MTHFD1L: variants seen among roughly 807,000 people sequenced by gnomAD.
MTHFD1L encodes the protein methylenetetrahydrofolate dehydrogenase (NADP+ dependent) 1 like.
MTHFD1L carries 81 observed loss-of-function variants against 119.5 expected under a neutral mutation model. That is an observed-to-expected ratio of 0.68 (90% CI 0.57 to 0.82). The LOEUF (loss-of-function observed/expected upper bound fraction) is 0.82. Among genes scored for constraint, MTHFD1L ranks in the 40% least tolerant of loss-of-function variants. MTHFD1L has a pLI of 0.00. For synonymous variants in MTHFD1L, 430 were observed against 475.2 expected (o/e 0.90, Z 1.24); for missense variants, 1,125 against 1,253.4 (o/e 0.90, Z 1.55).
chr6:150,988,492 A>G lies in MTHFD1L; in HGVS notation c.2125+16434A>G, dbSNP rs189044926. ...AACATAACAGAATTTTGAGCTAGGA[A>G]TATTGGGAAACCAGCCATTGCTAAA... On this transcript the variant is annotated intron_variant, in intron 20 of 27. Transcript: ENST00000367321. 4.1e-3 allele frequency among the ~76,000 whole-genome samples: 618 copies of G among 152,278 alleles called. 7 individuals are homozygous for G. Among genetic ancestry groups the G allele is most frequent in the African/African-American group, 0.013 (561 of 41,556 alleles).
At chr6:150,933,756 T>A (rs1183092224) in intron 11 of MTHFD1L, among the ~76,000 whole-genome samples, 2 of 152,162 alleles carry the variant, frequency 1.3e-5, no homozygotes, top group Non-Finnish European at 2.9e-5. Flanking sequence ...CTTCCTGTCA[T>A]GTTCTGCCTT....
At position 150,960,243 on chromosome 6, in the gene MTHFD1L, G is replaced by T. The variant is rs201506706; in HGVS notation, c.1804-32G>T. 2.5e-6 allele frequency: 4 copies of T among 1,585,892 alleles called. No individual in the cohort carries two copies. In the African/African-American group the frequency reaches 5.4e-5, roughly 21 times the overall value. Reference sequence around the variant, plus strand: ...GAATGGCCATCCCACTGGCACTGTCGCTGACCACTACCTGTGTTTGGGCTG... The same window carrying T: ...GAATGGCCATCCCACTGGCACTGTCTCTGACCACTACCTGTGTTTGGGCTG... On this transcript the variant is annotated intron_variant, in intron 17 of 27. Transcript: ENST00000367321.
intron 27 of MTHFD1L, among the ~76,000 whole-genome samples, chr6:151,094,394 G>A (rs965436707): frequency 2.6e-5 from 4 of 152,122 alleles, no homozygotes; most frequent in South Asian, 2.1e-4. Context: ...ACAGAGTCTC[G>A]CGCTATCACC....
Position 150,865,991 on chromosome 6 carries a change from G to C in MTHFD1L, c.169G>C (p.Ala57Pro), listed in dbSNP as rs1323466389. 1.5e-6 allele frequency: 2 copies of C among 1,344,030 alleles called. No homozygotes were observed. The highest frequency in any genetic ancestry group is 1.9e-6 in the Non-Finnish European group (2 of 1,054,226). 83.3% of individuals were successfully genotyped at this position (1,344,030 alleles called of 1,614,324 possible). ...LGQRRPQDGQ[A>P]RSSCSPGGRT... ...ACAGCGGCGGCCGCAGGATGGCCAG[G>C]CCCGGAGCAGCTGCAGCCCCGGCGG... Residue 57 changes from alanine (A) to proline (P), a missense_variant, in exon 1 of 28, where the codon GCC becomes CCC. Physicochemically the swap from Ala to Pro is conservative, Grantham distance 27. This residue lies in a region of MTHFD1L where 1,058 missense variants were observed against 1,151.2 expected (regional missense o/e 0.92). Coordinates refer to ENST00000367321, the MANE Select transcript of MTHFD1L (RefSeq NM_015440.5).
chr6:151,052,159 G>A (rs571921329), intron 26 of MTHFD1L, among the ~76,000 whole-genome samples: 9 of 152,214 alleles, frequency 5.9e-5, no homozygotes, highest in Non-Finnish European at 1.0e-4. Flanking sequence ...ACTGACCCGC[G>A]AGTGCCCTGC....
chr6:150,896,038 AACTG>A (rs1237199427), intron 7 of MTHFD1L, among the ~76,000 whole-genome samples: 1 of 152,230 alleles, frequency 6.6e-6, no homozygotes, highest in Non-Finnish European at 1.5e-5. Flanking sequence ...CAGATGAGGA[AACTG>A]ACTGAGGCTT....
intron 9 of MTHFD1L, among the ~76,000 whole-genome samples, chr6:150,920,765 C>CTATT (rs546535594): frequency 0.012 from 1,850 of 151,306 alleles, 40 homozygotes; most frequent in African/African-American, 0.041. Context: ...AACACTTAAT[C>CTATT]TATTTATTTA....
intron 20 of MTHFD1L, among the ~76,000 whole-genome samples, chr6:150,972,270 C>T (rs549728935): frequency 2.0e-5 from 3 of 152,234 alleles, no homozygotes; most frequent in Non-Finnish European, 2.9e-5. Flanking sequence ...GTATCAAGTA[C>T]ATATGGGTTT....
chr6:151,044,284 A>G (rs1466959601), intron 26 of MTHFD1L, among the ~76,000 whole-genome samples: 5 of 147,998 alleles, frequency 3.4e-5, no homozygotes, highest in Non-Finnish European at 7.4e-5. Flanking sequence ...GAGGCACCGC[A>G]TGGGTACATT....
rs1790073871 is a variant in MTHFD1L, at chr6:150,926,828, A to G, written c.1256+533A>G. Among the ~76,000 whole-genome samples, 1 of 152,210 alleles carries G rather than the reference A, an allele frequency of 6.6e-6. No individual in the cohort carries two copies. The highest frequency in any genetic ancestry group is 1.5e-5 in the Non-Finnish European group (1 of 68,034). On this transcript the variant is annotated intron_variant, in intron 11 of 27. Coordinates refer to ENST00000367321, the MANE Select transcript of MTHFD1L (RefSeq NM_015440.5). This position sits in a 1 kb window ranked among gnomAD's most constrained non-coding sequence, Gnocchi z 4.3. Reference sequence around the variant, plus strand: ...ATTTGTGTTGGTTATTTTATAAAAGACAAATTCATAGTTTTTGTGAAAAGG... The same window carrying G: ...ATTTGTGTTGGTTATTTTATAAAAGGCAAATTCATAGTTTTTGTGAAAAGG...
Position 151,101,845 on chromosome 6 carries a change from C to T in MTHFD1L, c.*351C>T, listed in dbSNP as rs1795383104. Reference sequence around the variant, plus strand: ...ACATTTTCCACTCTCAAGTTTTCTACTTTGTCTTTGAACTGAAAATAAACA... The same window carrying T: ...ACATTTTCCACTCTCAAGTTTTCTATTTTGTCTTTGAACTGAAAATAAACA... On this transcript the variant is annotated 3_prime_UTR_variant, in exon 28 of 28. Coordinates refer to ENST00000367321, the MANE Select transcript of MTHFD1L (RefSeq NM_015440.5). 6.6e-6 allele frequency: 1 copy of T among 152,188 alleles called. No homozygotes were observed. The highest frequency in any genetic ancestry group is 2.4e-5 in the African/African-American group (1 of 41,434). 9.4% of individuals were successfully genotyped at this position (152,188 alleles called of 1,614,324 possible).
At chr6:151,022,067 A>G in intron 24 of MTHFD1L, 1 of 471,156 alleles carries the variant, frequency 2.1e-6, no homozygotes. Flanking sequence ...ATGAAGGAAG[A>G]GCAAAACAAA....
At chr6:150,987,463 T>C (rs951451041) in intron 20 of MTHFD1L, among the ~76,000 whole-genome samples, 2 of 152,246 alleles carry the variant, frequency 1.3e-5, no homozygotes, top group Admixed American at 6.5e-5. Context: ...GGCTACGTGC[T>C]GAGCACCCTG....
intron 25 of MTHFD1L, among the ~76,000 whole-genome samples, chr6:151,036,023 T>C (rs1786113227): frequency 6.6e-6 from 1 of 152,148 alleles, no homozygotes; most frequent in African/African-American, 2.4e-5. Flanking sequence ...CCTCCCTGAG[T>C]TGATAAGACT....
At chr6:150,975,331 A>C (rs988540227) in intron 20 of MTHFD1L, among the ~76,000 whole-genome samples, 5 of 152,128 alleles carry the variant, frequency 3.3e-5, no homozygotes, top group African/African-American at 9.7e-5. Flanking sequence ...GCTCTGTTGG[A>C]ATGCTGGTGG....
chr6:150,938,070 T>C (rs1792423919), intron 12 of MTHFD1L, among the ~76,000 whole-genome samples: 1 of 152,224 alleles, frequency 6.6e-6, no homozygotes, highest in Non-Finnish European at 1.5e-5. Flanking sequence ...CAGGCTGGAA[T>C]GCAGTGGTGC....
intron 20 of MTHFD1L, among the ~76,000 whole-genome samples, chr6:150,981,891 G>A (rs1050156976): frequency 2.0e-5 from 3 of 152,184 alleles, no homozygotes; most frequent in African/African-American, 7.2e-5. Flanking sequence ...TTCAAGACCA[G>A]ACTGGGCAAC....
intron 26 of MTHFD1L, 63 bp from the exon 27 acceptor site, chr6:151,092,404 C>T (rs1794530670): frequency 8.0e-7 from 1 of 1,250,660 alleles, no homozygotes; most frequent in Non-Finnish European, 1.2e-6. Context: ...TAATTTGCAT[C>T]ATCAGATGTT....
At chr6:150,957,039 C>T (rs1795752525) in intron 17 of MTHFD1L, among the ~76,000 whole-genome samples, 1 of 152,150 alleles carries the variant, frequency 6.6e-6, no homozygotes, top group Non-Finnish European at 1.5e-5. Context: ...AAGGACAGCC[C>T]AAAATATGGT....
Sources: gnomAD v4.1 joint callset for allele counts (sites outside exome capture counted in the v4.1 genomes callset) on GRCh38, gnomAD v4.1.1 for gene constraint, gnomAD v4.1.1 regional missense constraint, Gnocchi (gnomAD v3.1) non-coding constraint, MANE v1.5 for transcripts, NCBI Gene and HGNC (gene_info 2026-07-23, HGNC 2026-07-21) for gene names.